Variants in GRIP1 observed in about 807,000 individuals in gnomAD.
GRIP1 encodes glutamate receptor-interacting protein 1.
GRIP1 carries 45 observed loss-of-function variants against 129.9 expected under a neutral mutation model. The ratio of observed to expected loss-of-function variants is 0.35; its 90% CI spans 0.27 to 0.44. The LOEUF (loss-of-function observed/expected upper bound fraction) is 0.44. Ranked by LOEUF, GRIP1 falls within the 20% of genes least tolerant of loss-of-function variation. GRIP1 has a pLI of 1.00. For synonymous variants in GRIP1, 530 were observed against 520.8 expected (o/e 1.02, Z -0.24); for missense variants, 1,196 against 1,396.8 (o/e 0.86, Z 2.29).
chr12:66,533,843 A>ACACACACACACACACT (rs1491026121), intron 4 of GRIP1, among the ~76,000 whole-genome samples: 6 of 37,068 alleles, frequency 1.6e-4, no homozygotes, highest in African/African-American at 2.6e-4. Flanking sequence ...ATCAGATTAC[A>ACACACACACACACACT]CACACACACA....
chr12:66,856,005 T>C (rs1036305055), intron 1 of GRIP1, among the ~76,000 whole-genome samples: 2 of 151,978 alleles, frequency 1.3e-5, no homozygotes, highest in African/African-American at 4.8e-5. Context: ...GATAGTTGAA[T>C]CTCAGTGATT....
At chr12:66,647,613 G>A (rs1270058143) in intron 1 of GRIP1, among the ~76,000 whole-genome samples, 1 of 152,142 alleles carries the variant, frequency 6.6e-6, no homozygotes, top group African/African-American at 2.4e-5. Flanking sequence ...GAAAAGAAAG[G>A]AAGAGAAAGA....
At chr12:66,719,676 A>T (rs1236603333) in intron 1 of GRIP1, among the ~76,000 whole-genome samples, 1 of 152,240 alleles carries the variant, frequency 6.6e-6, no homozygotes, top group Non-Finnish European at 1.5e-5. Flanking sequence ...CATACAAGTG[A>T]AAAAATACTG....
intron 1 of GRIP1, among the ~76,000 whole-genome samples, chr12:66,910,376 T>C (rs1481170744): frequency 1.3e-5 from 2 of 152,190 alleles, no homozygotes; most frequent in African/African-American, 4.8e-5. Context: ...ATTCCACCTT[T>C]GGGGAGTGAC....
In GRIP1 at chr12:66,425,623, C is replaced by G. The variant is rs530343182; in HGVS notation, c.1769-4834G>C. Among the ~76,000 whole-genome samples, 3 of 152,246 alleles carry G rather than the reference C, an allele frequency of 2.0e-5. No individual in the cohort carries two copies. In the East Asian group the frequency reaches 5.8e-4, roughly 29 times the overall value. On this transcript the variant is annotated intron_variant, in intron 14 of 24. Coordinates refer to ENST00000359742, the MANE Select transcript of GRIP1 (RefSeq NM_001366722.1). ...TTAAGAAAATGTGGCACATATACAC[C>G]ATGGAATACTATGCAGCCATAAAAA...
In GRIP1 at chr12:66,456,286, T is replaced by G; in HGVS notation, c.1099A>C (p.Ser367Arg). 7.8e-7 allele frequency: 1 copy of G among 1,289,510 alleles called. No homozygotes were observed. Among genetic ancestry groups the G allele is most frequent in the South Asian group, 1.2e-5 (1 of 81,006 alleles). 79.9% of individuals were successfully genotyped at this position (1,289,510 alleles called of 1,614,324 possible). Residue 367 changes from serine to arginine, a missense_variant, in exon 10 of 25, where the codon AGC (serine) becomes CGC (arginine). Transcript: ENST00000359742. ...LTWDSWASNH[S>R]SLHTNHHYNT... The stretch of plus-strand genomic sequence containing the variant: ...TAGTGATGGTTGGTGTGAAGGCTGC[T>G]GTGGTTGCTGGCCCAGGAATCCCAG...
chr12:66,731,861 G>T (rs2136502238), intron 1 of GRIP1, among the ~76,000 whole-genome samples: 1 of 152,284 alleles, frequency 6.6e-6, no homozygotes, highest in East Asian at 1.9e-4. Context: ...AATAGAGGCA[G>T]GGCCTATTTG....
At chr12:66,618,531 A>G (rs895029319) in intron 1 of GRIP1, among the ~76,000 whole-genome samples, 1 of 152,160 alleles carries the variant, frequency 6.6e-6, no homozygotes, top group Non-Finnish European at 1.5e-5. Flanking sequence ...ATCTATTAAA[A>G]AAAAGTAAAA....
chr12:66,405,497 C>G (rs886393184), intron 16 of GRIP1, among the ~76,000 whole-genome samples: 3 of 152,186 alleles, frequency 2.0e-5, no homozygotes, highest in African/African-American at 7.2e-5. Flanking sequence ...GTGGCAGCAT[C>G]TGGGTGTTTA....
At chr12:66,542,582 T>C (rs940100011) in intron 2 of GRIP1, among the ~76,000 whole-genome samples, 1 of 152,208 alleles carries the variant, frequency 6.6e-6, no homozygotes, top group African/African-American at 2.4e-5. Context: ...AAATCTTTCA[T>C]TCTCTGCTTA....
intron 2 of GRIP1, among the ~76,000 whole-genome samples, chr12:66,547,831 TTCTGTATCTTGAC>T (rs2061993766): frequency 6.6e-6 from 1 of 152,202 alleles, no homozygotes; most frequent in African/African-American, 2.4e-5. Context: ...GATGGATATG[TTCTGTATCTTGAC>T]TCCATCCATG....
chr12:66,456,926 T>C (rs1387661824), intron 9 of GRIP1, among the ~76,000 whole-genome samples: 1 of 152,226 alleles, frequency 6.6e-6, no homozygotes, highest in Non-Finnish European at 1.5e-5. Context: ...ATCAGAATCT[T>C]ATCTGTATCT....
chr12:66,678,008 A>T (rs2034419925), intron 1 of GRIP1, among the ~76,000 whole-genome samples: 1 of 152,066 alleles, frequency 6.6e-6, no homozygotes, highest in Admixed American at 6.6e-5. Flanking sequence ...TAAATAATAA[A>T]TTTTCTCTAA....
chr12:66,787,447 T>G (rs2038386533), intron 1 of GRIP1, among the ~76,000 whole-genome samples: 1 of 152,200 alleles, frequency 6.6e-6, no homozygotes, highest in Admixed American at 6.5e-5. Context: ...TGCTATGAGT[T>G]GAATGTCTGT....
At chr12:66,773,554 T>C (rs1405870461) in intron 1 of GRIP1, among the ~76,000 whole-genome samples, 1 of 152,096 alleles carries the variant, frequency 6.6e-6, no homozygotes, top group East Asian at 1.9e-4. Flanking sequence ...CCAGAGCCTG[T>C]CAGGGGGTCG....
chr12:66,485,106 G>T (rs1243108345), intron 7 of GRIP1, among the ~76,000 whole-genome samples: 2 of 152,152 alleles, frequency 1.3e-5, no homozygotes, highest in Non-Finnish European at 2.9e-5. Context: ...TACTGTCAAA[G>T]AGGTTTTCTA....
intron 20 of GRIP1, among the ~76,000 whole-genome samples, chr12:66,378,208 T>A (rs2055907315): frequency 2.7e-5 from 4 of 146,338 alleles, no homozygotes; most frequent in Non-Finnish European, 6.0e-5. Flanking sequence ...TTGGGAGGCC[T>A]AGGTGGGCAG....
rs577777277 is a variant in GRIP1 at position 66,687,003 on chromosome 12, G to C, written c.-419-56667C>G. On this transcript the variant is annotated intron_variant, in intron 1 of 4. Transcript: ENST00000538373. Reference sequence around the variant, plus strand: ...CTTGAGCCCAGGAGGTTGAGCTGTAGTGAACCATGATTGTGCCACTGCACT... The same window carrying C: ...CTTGAGCCCAGGAGGTTGAGCTGTACTGAACCATGATTGTGCCACTGCACT... Among the ~76,000 whole-genome samples the C allele has an allele frequency of 2.2e-4, 33 of 152,300 alleles. No individual in the cohort carries two copies. In the South Asian group the frequency reaches 6.8e-3, roughly 32 times the overall value.
At chr12:66,667,196 A>G (rs1415078937) in intron 1 of GRIP1, among the ~76,000 whole-genome samples, 1 of 152,054 alleles carries the variant, frequency 6.6e-6, no homozygotes, top group East Asian at 1.9e-4. Context: ...TCTTCTATGT[A>G]TCTACATTTT....
Sources: gnomAD v4.1 joint callset for allele counts (sites outside exome capture counted in the v4.1 genomes callset) on GRCh38, gnomAD v4.1.1 for gene constraint, MANE v1.5 for transcripts, NCBI Gene and HGNC (gene_info 2026-07-23, HGNC 2026-07-21) for gene names.